LHFPL3: variants seen among roughly 807,000 people sequenced by gnomAD.
The protein encoded by LHFPL3 is LHFPL tetraspan subfamily member 3 protein.
A neutral mutation model predicts 19.3 loss-of-function variants in LHFPL3; 5 were observed. The ratio of observed to expected loss-of-function variants is 0.26; its 90% CI spans 0.14 to 0.54. LHFPL3 has a LOEUF of 0.54. Among genes scored for constraint, LHFPL3 ranks in the 20% least tolerant of loss-of-function variants. The pLI is 0.94. For missense variants in LHFPL3, 249 were observed against 307.4 expected (o/e 0.81, Z 1.42); for synonymous variants, 133 against 126.2 (o/e 1.05, Z -0.36).
chr7:104,495,510 A>G (rs1584358885), intron 1 of LHFPL3, among the ~76,000 whole-genome samples: 2 of 152,114 alleles, frequency 1.3e-5, no homozygotes, highest in South Asian at 4.2e-4. Flanking sequence ...CAGCCTCCCA[A>G]GTAGCTGGGA....
chr7:104,428,923 A>G (rs987896568), intron 1 of LHFPL3, among the ~76,000 whole-genome samples: 4 of 152,188 alleles, frequency 2.6e-5, no homozygotes, highest in Admixed American at 1.3e-4. Flanking sequence ...GGAGTTGAAC[A>G]CTGATGTCAG....
chr7:104,777,772 G>C (rs956339103), intron 2 of LHFPL3, among the ~76,000 whole-genome samples: 1 of 147,878 alleles, frequency 6.8e-6, no homozygotes, highest in Non-Finnish European at 1.5e-5. Flanking sequence ...TTTTCCCTTC[G>C]TTCCCTTTCT....
intron 1 of LHFPL3, among the ~76,000 whole-genome samples, chr7:104,561,199 C>T (rs552860175): frequency 1.1e-4 from 16 of 151,358 alleles, no homozygotes; most frequent in South Asian, 4.2e-4. Flanking sequence ...CTATTAGGTC[C>T]GCTTGTTGCA....
intron 2 of LHFPL3, among the ~76,000 whole-genome samples, chr7:104,793,894 T>C (rs1790069815): frequency 6.6e-6 from 1 of 152,148 alleles, no homozygotes; most frequent in Non-Finnish European, 1.5e-5. Context: ...TTTAGACCCA[T>C]TAATATAACG....
rs534535214 is a variant in LHFPL3 at position 104,588,586 on chromosome 7, A to T, written c.446-148089A>T. Among the ~76,000 whole-genome samples, 666 of 152,186 alleles carry T rather than the reference A, an allele frequency of 4.4e-3. 6 individuals carry two copies. Among genetic ancestry groups the T allele is most frequent in the African/African-American group, 0.015 (629 of 41,524 alleles). On this transcript the variant is annotated intron_variant, in intron 1 of 2. Coordinates refer to ENST00000424859, the MANE Select transcript of LHFPL3 (RefSeq NM_199000.3). Reference sequence around the variant, plus strand: ...GTTTTGTTCTTTTGGCTTAGGATTGACTTGGCAATGCAGGCTCTTTTTTGG... The same window carrying T: ...GTTTTGTTCTTTTGGCTTAGGATTGTCTTGGCAATGCAGGCTCTTTTTTGG...
At chr7:104,838,016 C>CTT (rs771468593) in intron 2 of LHFPL3, among the ~76,000 whole-genome samples, 2 of 152,270 alleles carry the variant, frequency 1.3e-5, no homozygotes, top group African/African-American at 2.4e-5. Context: ...ACCCACTCTA[C>CTT]TTAGACTTAG....
chr7:104,700,518 A>G (rs1013368475), intron 1 of LHFPL3, among the ~76,000 whole-genome samples: 4 of 152,214 alleles, frequency 2.6e-5, no homozygotes, highest in Non-Finnish European at 5.9e-5. Context: ...TCTTGCAAGC[A>G]CAATCAAGTC....
intron 2 of LHFPL3, among the ~76,000 whole-genome samples, chr7:104,884,106 G>A (rs555498210): frequency 7.9e-5 from 12 of 152,228 alleles, no homozygotes; most frequent in Non-Finnish European, 1.5e-4. Context: ...CAATGAGCTG[G>A]AAAGCTCATT....
chr7:104,675,157 C>T (rs1792567744), intron 1 of LHFPL3, among the ~76,000 whole-genome samples: 1 of 152,170 alleles, frequency 6.6e-6, no homozygotes, highest in South Asian at 2.1e-4. Context: ...CAGTATACTT[C>T]TAAGAAGGTA....
In LHFPL3 at chr7:104,408,867, T is replaced by TC. The variant is rs61486844; in HGVS notation, c.445+79643_445+79644insC. 7.6e-4 allele frequency among the ~76,000 whole-genome samples: 101 copies of TC among 133,350 alleles called. 2 individuals are homozygous for TC. Among genetic ancestry groups the TC allele is most frequent in the African/African-American group, 2.5e-3 (88 of 35,308 alleles). The allele number at this position is 133,350 out of a possible 152,430, so 87.5% of individuals were successfully genotyped here. A position where few individuals can be genotyped will look rare whatever the true frequency, so the allele number is the denominator to read the frequency against. ...CACTAGTGTTGTAATTTTCTTTCTTTTTTTTTTTTTTTTTTGAGACGGAGT... is the reference window on the plus strand; with the variant it reads ...CACTAGTGTTGTAATTTTCTTTCTTTCTTTTTTTTTTTTTTTGAGACGGAGT... On this transcript the variant is annotated intron_variant, in intron 1 of 2. Transcript: ENST00000424859.
intron 2 of LHFPL3, among the ~76,000 whole-genome samples, chr7:104,749,720 G>A (rs1350758654): frequency 1.3e-5 from 2 of 152,206 alleles, no homozygotes; most frequent in Admixed American, 1.3e-4. Context: ...CGAGAATGAA[G>A]GCTCAATATG....
chr7:104,673,650 G>A (rs1031391753), intron 1 of LHFPL3, among the ~76,000 whole-genome samples: 36 of 152,216 alleles, frequency 2.4e-4, no homozygotes, highest in Non-Finnish European at 2.1e-4. Flanking sequence ...GGAACAATGA[G>A]ACATCAGTTC....
chr7:104,367,663 G>T (rs1176991788), intron 1 of LHFPL3, among the ~76,000 whole-genome samples: 1 of 152,114 alleles, frequency 6.6e-6, no homozygotes, highest in African/African-American at 2.4e-5. Context: ...GGAAATTCTG[G>T]ATCTATTCAC....
At chr7:104,755,576 A>ACAC (rs1562983798) in intron 2 of LHFPL3, among the ~76,000 whole-genome samples, 1 of 124,602 alleles carries the variant, frequency 8.0e-6, no homozygotes, top group East Asian at 3.3e-4. Context: ...CCAACCCCCA[A>ACAC]CACCACCACA....
intron 2 of LHFPL3, among the ~76,000 whole-genome samples, chr7:104,811,075 G>A (rs1213006695): frequency 2.6e-5 from 4 of 152,148 alleles, no homozygotes; most frequent in East Asian, 3.8e-4. Flanking sequence ...ATAAAATCTG[G>A]TCAAAGGCAA....
intron 1 of LHFPL3, among the ~76,000 whole-genome samples, chr7:104,666,653 C>T (rs944294776): frequency 8.9e-5 from 13 of 146,682 alleles, no homozygotes; most frequent in African/African-American, 3.2e-4. Context: ...TCCCAAGTAG[C>T]TGGGACTACA....
chr7:104,661,837 G>A (rs58752899), intron 1 of LHFPL3, among the ~76,000 whole-genome samples: 10,897 of 152,220 alleles, frequency 0.072, 637 homozygotes, highest in African/African-American at 0.16. Context: ...CTTAAAGGAA[G>A]CACTTTATGG....
intron 1 of LHFPL3, among the ~76,000 whole-genome samples, chr7:104,666,552 C>A (rs1002066238): frequency 1.8e-5 from 1 of 55,366 alleles, no homozygotes; most frequent in African/African-American, 5.7e-5. Flanking sequence ...GACGGAGTCT[C>A]GCTCTGTCGC....
chr7:104,902,422 A>G (rs1221981923), intron 2 of LHFPL3, among the ~76,000 whole-genome samples: 2 of 150,006 alleles, frequency 1.3e-5, no homozygotes, highest in African/African-American at 2.5e-5. Context: ...GGGAGAGGAG[A>G]AGGAGGAGGA....
Sources: allele counts gnomAD v4.1 joint callset (sites outside exome capture counted in the v4.1 genomes callset), GRCh38; gene constraint gnomAD v4.1.1; transcripts MANE v1.5; gene names NCBI Gene and HGNC (gene_info 2026-07-23, HGNC 2026-07-21).